The following RGS7 variants were observed in gnomAD, a reference collection of about 807,000 sequenced individuals.
The protein encoded by RGS7 is regulator of G protein signaling 7.
A neutral mutation model predicts 81.1 loss-of-function variants in RGS7; 27 were observed. That is an observed-to-expected ratio of 0.33 (90% CI 0.25 to 0.46). RGS7 has a LOEUF of 0.46. RGS7 is among the 20% of genes least tolerant of loss of function. The pLI is 1.00. For missense variants in RGS7, 396 were observed against 607.4 expected, an observed-to-expected ratio of 0.65 and a Z score of 3.66; for synonymous variants, 208 against 207.7, an observed-to-expected ratio of 1.00 and a Z score of -0.01.
intron 4 of RGS7, among the ~76,000 whole-genome samples, chr1:240,947,242 T>C (rs1678788586): frequency 6.6e-6 from 1 of 152,192 alleles, no homozygotes; most frequent in African/African-American, 2.4e-5. Flanking sequence ...ATTTTTACCA[T>C]TTTCATTATG....
intron 2 of RGS7, among the ~76,000 whole-genome samples, chr1:241,227,635 A>C (rs956628925): frequency 6.6e-6 from 1 of 151,122 alleles, no homozygotes; most frequent in Non-Finnish European, 1.5e-5. Flanking sequence ...TAGTCCTAGA[A>C]GCTGAGATGG....
intron 2 of RGS7, among the ~76,000 whole-genome samples, chr1:241,326,500 T>G (rs1258390884): frequency 6.6e-6 from 1 of 152,202 alleles, no homozygotes; most frequent in Non-Finnish European, 1.5e-5. Context: ...TGTCTGTACT[T>G]CACCTTGTTC....
intron 9 of RGS7, among the ~76,000 whole-genome samples, chr1:240,843,264 T>A (rs112786316): frequency 0.019 from 2,821 of 152,186 alleles, 92 homozygotes; most frequent in African/African-American, 0.065. Flanking sequence ...AATATCTTTT[T>A]TTCTTTTTTC....
intron 6 of RGS7, among the ~76,000 whole-genome samples, chr1:240,881,873 G>A (rs1236490828): frequency 6.6e-6 from 1 of 151,918 alleles, no homozygotes; most frequent in African/African-American, 2.4e-5. Flanking sequence ...GATTTACTAG[G>A]ATAAGAAAGG....
intron 2 of RGS7, among the ~76,000 whole-genome samples, chr1:241,295,733 C>T (rs1329271874): frequency 1.3e-5 from 2 of 152,096 alleles, no homozygotes; most frequent in African/African-American, 4.8e-5. Context: ...ATTCCGGAGT[C>T]GGCAAATGGC....
At chr1:240,989,800 T>C (rs1686200359) in intron 3 of RGS7, among the ~76,000 whole-genome samples, 1 of 152,146 alleles carries the variant, frequency 6.6e-6, no homozygotes, top group African/African-American at 2.4e-5. Context: ...GAGTGATCTT[T>C]GAGGGAAGTA....
chr1:241,348,900 A>C (rs889600875), intron 2 of RGS7, among the ~76,000 whole-genome samples: 1 of 152,196 alleles, frequency 6.6e-6, no homozygotes, highest in Non-Finnish European at 1.5e-5. Context: ...GAGGTAGTGG[A>C]AACATTCACT....
intron 2 of RGS7, among the ~76,000 whole-genome samples, chr1:241,157,682 C>T (rs1558138566): frequency 6.6e-6 from 1 of 150,924 alleles, no homozygotes; most frequent in African/African-American, 2.4e-5. Flanking sequence ...TTGTTGGGCC[C>T]GGGAGTGAAG....
chr1:240,919,580 A>G (rs1239127358), intron 6 of RGS7: 1 of 232,642 alleles, frequency 4.3e-6, no homozygotes, highest in Admixed American at 5.1e-5. Flanking sequence ...TCCCAACTTG[A>G]TAAAAAAAAA....
At chr1:241,168,245 C>T (rs1043125926) in intron 2 of RGS7, among the ~76,000 whole-genome samples, 15 of 151,866 alleles carry the variant, frequency 9.9e-5, no homozygotes, top group African/African-American at 3.4e-4. Flanking sequence ...ATGGTGGATT[C>T]AGGAGGGATA....
intron 6 of RGS7, among the ~76,000 whole-genome samples, chr1:240,928,574 A>G (rs1674864947): frequency 6.6e-6 from 1 of 151,616 alleles, no homozygotes; most frequent in Admixed American, 6.6e-5. Flanking sequence ...AGAAAGAAAC[A>G]CTGAGAATGG....
At chr1:241,294,701 T>C (rs78582869) in intron 2 of RGS7, among the ~76,000 whole-genome samples, 5,931 of 152,254 alleles carry the variant, frequency 0.039, 348 homozygotes, top group African/African-American at 0.13. Flanking sequence ...TACCATTTTT[T>C]TCCTCTTCTA....
chr1:240,930,902 C>T lies in RGS7; in HGVS notation c.334-134G>A, dbSNP rs576856706. ...TATGTTTTATAATACAGAACATGTT[C>T]CAAGAGAGACATTGAAAACTCTTTG... On this transcript the variant is annotated intron_variant, in intron 5 of 18. Transcript: ENST00000440928. The T allele has an allele frequency of 7.4e-5, 66 of 897,198 alleles. No individual in the cohort carries two copies. The African/African-American group carries it at 1.0e-3, about 14-fold the overall frequency. The allele number at this position is 897,198 out of a possible 1,614,324, so 55.6% of individuals were successfully genotyped here. A position where few individuals can be genotyped will look rare whatever the true frequency, so the allele number is the denominator to read the frequency against.
At chr1:241,246,637 G>A (rs570415576) in intron 2 of RGS7, among the ~76,000 whole-genome samples, 4 of 152,218 alleles carry the variant, frequency 2.6e-5, no homozygotes, top group African/African-American at 7.2e-5. Flanking sequence ...GTAGTCCTTC[G>A]GGGGTAGGCA....
chr1:241,013,426 A>C, intron 3 of RGS7, among the ~76,000 whole-genome samples: 1 of 152,170 alleles, frequency 6.6e-6, no homozygotes, highest in East Asian at 1.9e-4. Context: ...ATGTTCACAC[A>C]TTTGAATACC....
chr1:240,964,704 T>C lies in RGS7; in HGVS notation c.226+18375A>G, dbSNP rs988891345. Among the ~76,000 whole-genome samples the C allele has an allele frequency of 7.9e-5, 12 of 152,324 alleles. 1 individual carries two copies. The South Asian group carries it at 1.9e-3, about 24-fold the overall frequency. ...CGCATCACAGTCCTACCTGCAAACC[T>C]GATTTATTTGGTTACTATTTTATCA... On this transcript the variant is annotated intron_variant, in intron 4 of 18. Coordinates refer to ENST00000440928, the MANE Select transcript of RGS7 (RefSeq NM_001364886.1).
At chr1:240,904,480 T>C (rs1670514742) in intron 6 of RGS7, among the ~76,000 whole-genome samples, 1 of 152,240 alleles carries the variant, frequency 6.6e-6, no homozygotes. Flanking sequence ...GTATTTTTAT[T>C]GAAATATATG....
At chr1:241,208,954 C>A (rs777171064) in intron 2 of RGS7, among the ~76,000 whole-genome samples, 3 of 152,200 alleles carry the variant, frequency 2.0e-5, no homozygotes, top group Non-Finnish European at 2.9e-5. Flanking sequence ...AACCTATCAG[C>A]GCTCAGGCAG....
chr1:241,150,971 GAGA>G lies in RGS7; in HGVS notation c.79-52212_79-52210del, dbSNP rs138244769. Among the ~76,000 whole-genome samples the G allele has an allele frequency of 5.8e-3, 888 of 152,298 alleles. 7 individuals are homozygous for G. The highest frequency in any genetic ancestry group is 0.02 in the African/African-American group (825 of 41,558). ...CTGGAATCCGGATGTCCAAGGCCAG[GAGA>G]AGAAGGGCATCCCAGCTCCAAAAGA... On this transcript the variant is annotated intron_variant, in intron 2 of 18. Transcript: ENST00000440928.
Sources: allele counts gnomAD v4.1 joint callset (sites outside exome capture counted in the v4.1 genomes callset), GRCh38; gene constraint gnomAD v4.1.1; transcripts MANE v1.5; gene names NCBI Gene and HGNC (gene_info 2026-07-23, HGNC 2026-07-21).